Variants in NAE1 observed in about 807,000 individuals in gnomAD.
The protein encoded by NAE1 is NEDD8 activating enzyme E1 subunit 1.
A neutral mutation model predicts 88.0 loss-of-function variants in NAE1; 59 were observed. That is an observed-to-expected ratio of 0.67 (90% CI 0.54 to 0.83). The LOEUF (loss-of-function observed/expected upper bound fraction) is 0.83. NAE1 is among the 40% of genes least tolerant of loss of function. NAE1 has a pLI of 0.00. For synonymous variants in NAE1, 186 were observed against 208.9 expected, an observed-to-expected ratio of 0.89 and a Z score of 0.95; for missense variants, 554 against 632.8, an observed-to-expected ratio of 0.88 and a Z score of 1.34.
intron 5 of NAE1, 105 bp from the exon 6 acceptor site, chr16:66,823,411 A>G (rs890165653): frequency 2.5e-5 from 32 of 1,283,306 alleles, no homozygotes; most frequent in Non-Finnish European, 3.5e-5. Context: ...TGAGGCAACA[A>G]TTCCAATTCA....
intron 1 of NAE1, among the ~76,000 whole-genome samples, chr16:66,828,989 TG>T (rs1255403504): frequency 4.5e-4 from 60 of 131,984 alleles, no homozygotes; most frequent in Non-Finnish European, 6.6e-4. Flanking sequence ...ACCTTGTCCC[TG>T]AAAAAAAAAA....
intron 6 of NAE1, among the ~76,000 whole-genome samples, chr16:66,822,058 G>C (rs1960284928): frequency 2.0e-5 from 3 of 152,036 alleles, no homozygotes; most frequent in Admixed American, 1.3e-4. Flanking sequence ...GTAGACACAA[G>C]GTTTTGCCAT....
chr16:66,803,685 A>G (rs1959445950), intron 19 of NAE1, among the ~76,000 whole-genome samples: 1 of 151,648 alleles, frequency 6.6e-6, no homozygotes, highest in Admixed American at 6.6e-5. Context: ...CCTCCTCCCA[A>G]GTTCAAGTGA....
At chr16:66,812,828 T>C (rs1959867203) in intron 13 of NAE1, among the ~76,000 whole-genome samples, 1 of 146,852 alleles carries the variant, frequency 6.8e-6, no homozygotes, top group African/African-American at 2.5e-5. Context: ...CTAAGTTCTT[T>C]TTTTTTTTTT....
chr16:66,803,794 T>C (rs1371322685), intron 19 of NAE1, among the ~76,000 whole-genome samples: 1 of 151,986 alleles, frequency 6.6e-6, no homozygotes, highest in Non-Finnish European at 1.5e-5. Flanking sequence ...AGTTTCACCA[T>C]GTTGGCCAGG....
chr16:66,830,909 T>G lies in NAE1; in HGVS notation c.-10A>C, dbSNP rs886401227. The G allele has an allele frequency of 1.3e-6, 2 of 1,531,848 alleles. No homozygotes were observed. Among genetic ancestry groups the G allele is most frequent in the Non-Finnish European group, 1.7e-6 (2 of 1,148,152 alleles). 94.9% of individuals were successfully genotyped at this position (1,531,848 alleles called of 1,614,324 possible). Reference sequence around the variant, plus strand: ...TTCCCAGCTGCGCCATGGCCGCGCCTGCCGCGCGGAAAACAGCCGAGCCCC... The same window carrying G: ...TTCCCAGCTGCGCCATGGCCGCGCCGGCCGCGCGGAAAACAGCCGAGCCCC... On this transcript the variant is annotated 5_prime_UTR_variant, in exon 1 of 20. Transcript: ENST00000290810.
At chr16:66,806,228 T>A in intron 17 of NAE1, 1 of 494,394 alleles carries the variant, frequency 2.0e-6, no homozygotes, top group Non-Finnish European at 3.3e-6. Context: ...AATTTGAATT[T>A]AATTAAATCT....
At position 66,818,578 on chromosome 16, in the gene NAE1, C is replaced by G. The variant is rs1374295832; in HGVS notation, c.571G>C (p.Glu191Gln). ...EDLRLDKPFP[E>Q]LREHFQSYDL... ...TAGGACTGAAAATGTTCTCTCAGTTCAGGAAATGGCTTATCTAGTCGTAGA... is the reference window on the plus strand; with the variant it reads ...TAGGACTGAAAATGTTCTCTCAGTTGAGGAAATGGCTTATCTAGTCGTAGA... Residue 191 changes from glutamate (E) to glutamine (Q), a missense_variant, in exon 8 of 20, where the codon GAA becomes CAA. Transcript: ENST00000290810. The G allele has an allele frequency of 6.2e-7, 1 of 1,612,688 alleles. No homozygotes were observed.
intron 9 of NAE1, 71 bp from the exon 10 acceptor site, chr16:66,817,099 TC>T: frequency 6.7e-7 from 1 of 1,498,946 alleles, no homozygotes; most frequent in East Asian, 2.4e-5. Context: ...GTCTAAAGTG[TC>T]CCCCATTCTC....
chr16:66,803,157 T>A, intron 19 of NAE1, 39 bp from the exon 20 acceptor site: 1 of 1,373,824 alleles, frequency 7.3e-7, no homozygotes, highest in Non-Finnish European at 1.0e-6. Flanking sequence ...TTTGAAAGAG[T>A]AAACTTCAAG....
At position 66,826,629 on chromosome 16, in the gene NAE1, ATAAACT is replaced by A. The variant is rs762642128; in HGVS notation, c.157+42_157+47del. The stretch of plus-strand genomic sequence containing the variant: ...AGTCAGGAATACATAGTTCTAGGTC[ATAAACT>A]TAAAGAAGTATATTTAGAACACAAC... On this transcript the variant is annotated intron_variant, in intron 2 of 19. Coordinates refer to ENST00000290810, the MANE Select transcript of NAE1 (RefSeq NM_003905.4). 3.1e-6 allele frequency: 5 copies of A among 1,613,794 alleles called. No individual in the cohort carries two copies. In the South Asian group the frequency reaches 5.5e-5, roughly 18 times the overall value.
At chr16:66,809,118 G>T in intron 15 of NAE1, 43 bp from the exon 16 acceptor site, 1 of 1,443,662 alleles carries the variant, frequency 6.9e-7, no homozygotes, top group Non-Finnish European at 9.7e-7. Flanking sequence ...ACTGTGACTG[G>T]TGAATATTAT....
At chr16:66,821,744 C>T (rs363175) in intron 6 of NAE1, among the ~76,000 whole-genome samples, 185 bp from the exon 7 acceptor site, 46,948 of 152,110 alleles carry the variant, frequency 0.31, 8,546 homozygotes, top group East Asian at 0.6. Context: ...CCACAGGCTG[C>T]AGTCTCAAAG....
At chr16:66,829,446 G>A (rs1960603898) in intron 1 of NAE1, among the ~76,000 whole-genome samples, 1 of 152,144 alleles carries the variant, frequency 6.6e-6, no homozygotes, top group African/African-American at 2.4e-5. Context: ...CAAAGATATG[G>A]GGAACTCTGG....
At chr16:66,815,878 G>A (rs929286177) in intron 11 of NAE1, among the ~76,000 whole-genome samples, 3 of 151,188 alleles carry the variant, frequency 2.0e-5, no homozygotes, top group Admixed American at 1.3e-4. Flanking sequence ...GGCCAGGCTC[G>A]TCTTGGACTC....
intron 17 of NAE1, among the ~76,000 whole-genome samples, chr16:66,808,019 T>C (rs1198604801): frequency 6.6e-6 from 1 of 151,762 alleles, no homozygotes; most frequent in African/African-American, 2.4e-5. Flanking sequence ...TCCTCCCGAG[T>C]AGCTGAGTCT....
intron 1 of NAE1, 55 bp downstream of exon 1, chr16:66,830,792 C>T: frequency 1.3e-6 from 2 of 1,488,152 alleles, no homozygotes; most frequent in Non-Finnish European, 1.8e-6. Context: ...TTAGGCCCGG[C>T]CCGAATGCTG....
chr16:66,815,169 G>C (rs1959993195), intron 11 of NAE1, among the ~76,000 whole-genome samples: 1 of 152,074 alleles, frequency 6.6e-6, no homozygotes, highest in Admixed American at 6.6e-5. Flanking sequence ...ATTTTTATCT[G>C]TTTATTTAGC....
At chr16:66,811,342 G>A (rs896687254) in intron 13 of NAE1, among the ~76,000 whole-genome samples, 3 of 152,004 alleles carry the variant, frequency 2.0e-5, no homozygotes, top group African/African-American at 7.3e-5. Flanking sequence ...CTTTTTTGTA[G>A]AGACGGAGTT....
Sources: allele counts gnomAD v4.1 joint callset (sites outside exome capture counted in the v4.1 genomes callset), GRCh38; gene constraint gnomAD v4.1.1; transcripts MANE v1.5; gene names NCBI Gene and HGNC (gene_info 2026-07-23, HGNC 2026-07-21).